Variants in EFR3B observed in about 807,000 individuals in gnomAD.
EFR3B encodes protein EFR3 homolog B.
Under a neutral mutation model 104.7 loss-of-function variants are expected in EFR3B, and 64 were observed. The observed-to-expected ratio is 0.61, with a 90% CI of 0.50 to 0.75. EFR3B has a LOEUF of 0.75. EFR3B is among the 30% of genes least tolerant of loss of function. EFR3B has a pLI of 0.00. For missense variants in EFR3B, 750 were observed against 1,078.5 expected (o/e 0.70, Z 4.27); for synonymous variants, 385 against 417.9 (o/e 0.92, Z 0.96).
In EFR3B at chr2:25,152,614, A is replaced by G. The variant is rs183451481; in HGVS notation, c.2298+594A>G. On this transcript the variant is annotated intron_variant, in intron 21 of 22. Coordinates refer to ENST00000403714, the MANE Select transcript of EFR3B (RefSeq NM_014971.2). ...CAGAGAGAGAGGCAGCTGGACATGT[A>G]GAAATGAGGAGCCATGCCTAGACTG... Among the ~76,000 whole-genome samples the G allele has an allele frequency of 7.9e-5, 12 of 152,302 alleles. No individual in the cohort carries two copies. The East Asian group carries it at 2.3e-3, about 29-fold the overall frequency.
chr2:25,080,283 C>CTTTTTTTTTTTTTTT lies in EFR3B; in HGVS notation c.8-11028_8-11014dup, dbSNP rs563438610. The stretch of plus-strand genomic sequence containing the variant: ...AGCTGGCTGGAGTCCCTCCCCAAAG[C>CTTTTTTTTTTTTTTT]TTTTTTTTTTTTTTTTTTTTTTTTT... On this transcript the variant is annotated intron_variant, in intron 1 of 22. Coordinates refer to ENST00000403714, the MANE Select transcript of EFR3B (RefSeq NM_014971.2). 396 of 154,956 alleles carry CTTTTTTTTTTTTTTT rather than the reference C, an allele frequency of 2.6e-3. 47 individuals are homozygous for CTTTTTTTTTTTTTTT. The highest frequency in any genetic ancestry group is 0.022 in the African/African-American group (168 of 7,614). 9.6% of individuals were successfully genotyped at this position (154,956 alleles called of 1,614,324 possible).
intron 1 of EFR3B, among the ~76,000 whole-genome samples, chr2:25,063,121 G>T (rs1385263145): frequency 4.2e-5 from 5 of 119,324 alleles, no homozygotes; most frequent in African/African-American, 1.6e-4. Context: ...TGTATTTTTA[G>T]TAGAGACGGG....
intron 3 of EFR3B, among the ~76,000 whole-genome samples, chr2:25,100,989 G>T (rs1408103443): frequency 1.3e-5 from 2 of 152,212 alleles, no homozygotes; most frequent in Non-Finnish European, 2.9e-5. Flanking sequence ...CAGTCACTTG[G>T]TTTGCTTTGG....
intron 15 of EFR3B, among the ~76,000 whole-genome samples, chr2:25,138,573 A>G (rs1465310539): frequency 1.3e-5 from 2 of 152,220 alleles, no homozygotes; most frequent in African/African-American, 4.8e-5. Flanking sequence ...CCTAGATGCT[A>G]TAATTTTTAA....
intron 2 of EFR3B, 82 bp downstream of exon 2, chr2:25,091,483 C>A: frequency 7.6e-7 from 1 of 1,311,960 alleles, no homozygotes; most frequent in South Asian, 1.5e-5. Context: ...AGCCAGGCCT[C>A]CTGCCGGGTG....
chr2:25,133,445 T>A lies in EFR3B; in HGVS notation c.1311+11T>A. 1 of 1,552,340 alleles carries A rather than the reference T, an allele frequency of 6.4e-7. No homozygotes were observed. The highest frequency in any genetic ancestry group is 8.7e-7 in the Non-Finnish European group (1 of 1,147,110). ...AAATCCCTCCTGCAGGTGAGCCCCA[T>A]CTATCCCCATTCCTGCTCTTCCTCT... On this transcript the variant is annotated intron_variant, in intron 12 of 22. Coordinates refer to ENST00000403714, the MANE Select transcript of EFR3B (RefSeq NM_014971.2).
chr2:25,080,146 A>G, intron 1 of EFR3B: 5 of 1,260,002 alleles, frequency 4.0e-6, no homozygotes, highest in Non-Finnish European at 5.8e-6. Flanking sequence ...ATCACAGTGC[A>G]TGATTCTTCA....
At chr2:25,075,139 C>T (rs1028167926) in intron 1 of EFR3B, among the ~76,000 whole-genome samples, 3 of 152,170 alleles carry the variant, frequency 2.0e-5, no homozygotes, top group African/African-American at 7.2e-5. Flanking sequence ...AATAATCCAT[C>T]CTGGAAATTG....
chr2:25,143,928 GC>G, intron 18 of EFR3B, 66 bp downstream of exon 18: 2 of 1,516,044 alleles, frequency 1.3e-6, no homozygotes. Flanking sequence ...AAGGGCCTGA[GC>G]ATAAGGGACT....
At chr2:25,134,421 C>T (rs750532745) in intron 12 of EFR3B, among the ~76,000 whole-genome samples, 5 of 152,154 alleles carry the variant, frequency 3.3e-5, no homozygotes, top group South Asian at 4.1e-4. Context: ...CCACCTGCCT[C>T]GGCCTCCCAA....
At chr2:25,108,219 G>C (rs914621453) in intron 4 of EFR3B, among the ~76,000 whole-genome samples, 1 of 152,150 alleles carries the variant, frequency 6.6e-6, no homozygotes, top group Non-Finnish European at 1.5e-5. Flanking sequence ...AGGAGAAGGT[G>C]GGGGAGTCAG....
At chr2:25,083,084 T>A (rs1194550651) in intron 1 of EFR3B, among the ~76,000 whole-genome samples, 6 of 152,158 alleles carry the variant, frequency 3.9e-5, no homozygotes, top group Admixed American at 3.9e-4. Context: ...TCCTACTGAT[T>A]TGCCTTTTCA....
At chr2:25,071,303 C>T (rs1317953042) in intron 1 of EFR3B, among the ~76,000 whole-genome samples, 22 of 149,374 alleles carry the variant, frequency 1.5e-4, no homozygotes, top group Admixed American at 1.3e-3. Context: ...CTCTGTTGCC[C>T]AGGCTGGAGT....
rs2149216062 is a variant in EFR3B at position 25,154,374 on chromosome 2, G to A, written c.*34G>A. On this transcript the variant is annotated 3_prime_UTR_variant, in exon 23 of 23. Transcript: ENST00000403714. The surrounding 1 kb of genome is among the most constrained non-coding windows in gnomAD (Gnocchi z 4.1). ...AGCCTGAGCTCCTCAAGGAGATGGG[G>A]TCTGAGGAGGGGCTCACCTCACGCC... 6.5e-7 allele frequency: 1 copy of A among 1,534,636 alleles called. No individual in the cohort carries two copies. The highest frequency in any genetic ancestry group is 1.2e-5 in the South Asian group (1 of 83,650).
intron 5 of EFR3B, among the ~76,000 whole-genome samples, chr2:25,123,813 TGCACA>T (rs1670087079): frequency 6.6e-6 from 1 of 152,238 alleles, no homozygotes; most frequent in Non-Finnish European, 1.5e-5. Flanking sequence ...CACGCACACA[TGCACA>T]CAGACACATG....
chr2:25,061,392 C>T (rs572849193), intron 1 of EFR3B, among the ~76,000 whole-genome samples: 61 of 151,998 alleles, frequency 4.0e-4, no homozygotes, highest in Non-Finnish European at 6.8e-4. Flanking sequence ...GGATTACAGG[C>T]GGGATGCACC....
At chr2:25,072,224 T>A (rs757846025) in intron 1 of EFR3B, among the ~76,000 whole-genome samples, 9 of 152,118 alleles carry the variant, frequency 5.9e-5, no homozygotes, top group Non-Finnish European at 1.3e-4. Context: ...TTGGGCCATC[T>A]GGCCCTTCCT....
chr2:25,080,046 G>A (rs1042924645), intron 1 of EFR3B: 27 of 877,856 alleles, frequency 3.1e-5, no homozygotes, highest in Admixed American at 1.0e-4. Flanking sequence ...CGGTGCCTTA[G>A]CATCATCAAC....
In EFR3B at chr2:25,136,463, C is replaced by A. The variant is rs1433504180; in HGVS notation, c.1485-60C>A. ...TGTTGGGGATAAAGCTCAGTGACCC[C>A]GTGTGAGCTCAGGCTGGCCTCATGC... On this transcript the variant is annotated intron_variant, in intron 13 of 22. Coordinates refer to ENST00000403714, the MANE Select transcript of EFR3B (RefSeq NM_014971.2). The surrounding 1 kb of genome is among the most constrained non-coding windows in gnomAD (Gnocchi z 4.0). The A allele has an allele frequency of 2.2e-6, 3 of 1,376,898 alleles. No individual in the cohort carries two copies. In the African/African-American group the frequency reaches 4.3e-5, roughly 20 times the overall value. The allele number at this position is 1,376,898 out of a possible 1,614,324, so 85.3% of individuals were successfully genotyped here.
Sources: allele counts gnomAD v4.1 joint callset (sites outside exome capture counted in the v4.1 genomes callset), GRCh38; gene constraint gnomAD v4.1.1; non-coding constraint Gnocchi (gnomAD v3.1); transcripts MANE v1.5; gene names NCBI Gene and HGNC (gene_info 2026-07-23, HGNC 2026-07-21).